The following ZCWPW1 variants were observed in gnomAD, a reference collection of about 807,000 sequenced individuals.
ZCWPW1 encodes the protein zinc finger CW-type PWWP domain protein 1.
Under a neutral mutation model 81.3 loss-of-function variants are expected in ZCWPW1, and 56 were observed. That is an observed-to-expected ratio of 0.69 (90% CI 0.56 to 0.86). The LOEUF is 0.86. ZCWPW1 is among the 40% of genes least tolerant of loss of function. ZCWPW1 has a pLI of 0.00. For missense variants in ZCWPW1, 650 were observed against 769.8 expected, an observed-to-expected ratio of 0.84 and a Z score of 1.84; for synonymous variants, 250 against 273.7, an observed-to-expected ratio of 0.91 and a Z score of 0.86.
At chr7:100,417,042 C>T (rs757513593) in intron 6 of ZCWPW1, 24 bp downstream of exon 6, 1 of 1,561,304 alleles carries the variant, frequency 6.4e-7, no homozygotes, top group African/African-American at 1.4e-5. Context: ...CTGTGTTCAA[C>T]TTGCCTCACT....
chr7:100,412,613 G>A (rs751845838), intron 8 of ZCWPW1, among the ~76,000 whole-genome samples: 1 of 150,938 alleles, frequency 6.6e-6, no homozygotes, highest in Non-Finnish European at 1.5e-5. Context: ...ACGGAGTCTC[G>A]CTCTGTCGCC....
At chr7:100,420,764 T>C in intron 2 of ZCWPW1, 86 bp from the exon 3 acceptor site, 1 of 1,323,982 alleles carries the variant, frequency 7.6e-7, no homozygotes, top group South Asian at 1.2e-5. Context: ...AAACTCTTTG[T>C]TTCAGACCTC....
intron 8 of ZCWPW1, among the ~76,000 whole-genome samples, chr7:100,413,289 T>A (rs568858394): frequency 1.3e-5 from 2 of 152,238 alleles, no homozygotes; most frequent in Non-Finnish European, 2.9e-5. Flanking sequence ...TTTCCAGTTA[T>A]CCAGAGCCAC....
chr7:100,401,759 CTTTCATTCTAAT>C, intron 17 of ZCWPW1, 118 bp downstream of exon 17: 1 of 1,276,562 alleles, frequency 7.8e-7, no homozygotes, highest in Non-Finnish European at 1.1e-6. Context: ...CCGAGACGCT[CTTTCATTCTAAT>C]TTTCATTCAT....
In ZCWPW1 at chr7:100,419,186, T is replaced by C; in HGVS notation, c.286A>G (p.Lys96Glu). The change falls in exon 5 of 18, where the codon AAA becomes GAA. Residue 96 changes from lysine (K) to glutamate (E), a missense_variant. Lys to Glu is a moderately conservative substitution (Grantham distance 56). Coordinates refer to ENST00000684423, the MANE Select transcript of ZCWPW1 (RefSeq NM_001386010.1). ...NKQAEKKEKE[K>E]SSLTNAEFEE... ...AATTCTGCATTGGTAAGACTTGATT[T>C]TTCCTGCAGAGACAAGGGTAGGGGA... 6.2e-7 allele frequency: 1 copy of C among 1,612,818 alleles called. No individual in the cohort carries two copies. The highest frequency in any genetic ancestry group is 8.5e-7 in the Non-Finnish European group (1 of 1,179,468).
At chr7:100,409,618 T>C in intron 8 of ZCWPW1, 74 bp from the exon 9 acceptor site, 1 of 1,089,080 alleles carries the variant, frequency 9.2e-7, no homozygotes, top group Non-Finnish European at 1.4e-6. Flanking sequence ...AAAATCAGGA[T>C]AACCCTCCCA....
rs752800859 is a variant in ZCWPW1 at position 100,401,206 on chromosome 7, C to T, written c.1758G>A (p.Ala586=). The T allele has an allele frequency of 1.5e-5, 24 of 1,614,082 alleles. No homozygotes were observed. Among genetic ancestry groups the T allele is most frequent in the African/African-American group, 5.3e-5 (4 of 74,930 alleles). ...GTTCCCGGTGTCTGGGCTCTTCTTT[C>T]GCAGATGAGGGGCAGGCCCCCTTAC... ...SACKGACPSS[A]KEEPRHREPL... Residue 586 remains alanine (A), a synonymous_variant, in exon 18 of 18, where the codon GCG becomes GCA. Coordinates refer to ENST00000684423, the MANE Select transcript of ZCWPW1 (RefSeq NM_001386010.1).
At chr7:100,407,124 G>C (rs1793176249) in intron 11 of ZCWPW1, 104 bp downstream of exon 11, 2 of 1,050,606 alleles carry the variant, frequency 1.9e-6, no homozygotes, top group South Asian at 1.4e-5. Context: ...GTTTTCACTT[G>C]TGTCTGCTGG....
At chr7:100,420,527 T>C in intron 3 of ZCWPW1, 95 bp downstream of exon 3, 1 of 1,476,890 alleles carries the variant, frequency 6.8e-7, no homozygotes, top group African/African-American at 1.4e-5. Context: ...GGGCACAGAA[T>C]ATAGGGACCC....
intron 8 of ZCWPW1, among the ~76,000 whole-genome samples, chr7:100,415,566 T>C (rs1228888831): frequency 6.6e-6 from 1 of 152,188 alleles, no homozygotes; most frequent in African/African-American, 2.4e-5. Context: ...TCCTCTTTGA[T>C]TTCTTTACGA....
rs781024985 is a variant in ZCWPW1 at position 100,416,030 on chromosome 7, T to A, written c.699A>T (p.Thr233=). 6.2e-7 allele frequency: 1 copy of A among 1,614,072 alleles called. No homozygotes were observed. Among genetic ancestry groups the A allele is most frequent in the South Asian group, 1.1e-5 (1 of 91,088 alleles). The change falls in exon 8 of 18, where the codon ACA becomes ACT. Residue 233 remains threonine, a synonymous_variant. Coordinates refer to ENST00000684423, the MANE Select transcript of ZCWPW1 (RefSeq NM_001386010.1). ...EHRQEDRLKK[T]VQDHSQIRDQ... ...CCCTGATCTGAGAATGATCCTGAAC[T>A]GTTTTCTTTAGTCGGTCTTCCTGTC...
intron 11 of ZCWPW1, 54 bp downstream of exon 11, chr7:100,407,174 A>G: frequency 6.5e-7 from 1 of 1,532,220 alleles, no homozygotes; most frequent in Non-Finnish European, 9.0e-7. Flanking sequence ...GTGAGGATGG[A>G]TTTGTTCATT....
At chr7:100,405,559 T>G (rs1267677149) in intron 12 of ZCWPW1, among the ~76,000 whole-genome samples, 4 of 152,242 alleles carry the variant, frequency 2.6e-5, no homozygotes, top group Non-Finnish European at 5.9e-5. Context: ...GATACGATAC[T>G]CCTATTCTTA....
chr7:100,407,924 C>T (rs1793396256), intron 10 of ZCWPW1, among the ~76,000 whole-genome samples: 1 of 152,064 alleles, frequency 6.6e-6, no homozygotes, highest in South Asian at 2.1e-4. Flanking sequence ...TTTCCTTGTT[C>T]CCTTTACTTT....
intron 5 of ZCWPW1, among the ~76,000 whole-genome samples, chr7:100,418,192 C>T (rs1329865222): frequency 6.6e-6 from 1 of 152,148 alleles, no homozygotes; most frequent in African/African-American, 2.4e-5. Context: ...GCCTCCCTCA[C>T]TGCGTTCTTT....
At chr7:100,413,890 A>G (rs1794691660) in intron 8 of ZCWPW1, among the ~76,000 whole-genome samples, 1 of 152,092 alleles carries the variant, frequency 6.6e-6, no homozygotes, top group African/African-American at 2.4e-5. Flanking sequence ...GGCCTCTTAC[A>G]GTAATTCTGA....
chr7:100,406,833 T>C, intron 11 of ZCWPW1, 35 bp from the exon 12 acceptor site: 1 of 1,578,906 alleles, frequency 6.3e-7, no homozygotes, highest in Admixed American at 1.7e-5. Flanking sequence ...CGGACTCCTG[T>C]CCTGCTCCCT....
At chr7:100,407,207 A>G in intron 11 of ZCWPW1, 21 bp downstream of exon 11, 2 of 1,611,958 alleles carry the variant, frequency 1.2e-6, no homozygotes, top group Non-Finnish European at 1.7e-6. Flanking sequence ...GCTCCTTCTT[A>G]CCCTGAACCA....
In ZCWPW1 at chr7:100,401,486, G is replaced by A. The variant is rs554705551; in HGVS notation, c.1628-150C>T. On this transcript the variant is annotated intron_variant, in intron 17 of 17. Coordinates refer to ENST00000684423, the MANE Select transcript of ZCWPW1 (RefSeq NM_001386010.1). ...AGAATATGGACTTTGGGATCAGAAA[G>A]AGAGTCAAGCCGTCTGCCCTATGCT... 13 of 815,698 alleles carry A rather than the reference G, an allele frequency of 1.6e-5. No homozygotes were observed. The East Asian group carries it at 3.4e-4, about 21-fold the overall frequency. 50.5% of individuals were successfully genotyped at this position (815,698 alleles called of 1,614,324 possible). A position where few individuals can be genotyped will look rare whatever the true frequency, so the allele number is the denominator to read the frequency against.
Sources: allele counts gnomAD v4.1 joint callset (sites outside exome capture counted in the v4.1 genomes callset), GRCh38; gene constraint gnomAD v4.1.1; transcripts MANE v1.5; gene names NCBI Gene and HGNC (gene_info 2026-07-23, HGNC 2026-07-21).